BRINP2: variants seen among roughly 807,000 people sequenced by gnomAD.
BRINP2 encodes BMP/retinoic acid inducible neural specific 2, also known as BMP/retinoic acid-inducible neural-specific protein 2.
In BRINP2, 21 loss-of-function variants were observed where a neutral mutation model predicts 69.2. That is an observed-to-expected ratio of 0.30 (90% CI 0.22 to 0.44). The LOEUF is 0.44. Among genes scored for constraint, BRINP2 ranks in the 20% least tolerant of loss-of-function variants. The pLI is 1.00. For synonymous variants in BRINP2, 380 were observed against 394.1 expected, an observed-to-expected ratio of 0.96 and a Z score of 0.42; for missense variants, 877 against 986.0, an observed-to-expected ratio of 0.89 and a Z score of 1.48.
At chr1:177,201,660 G>C (rs2902096) in intron 1 of BRINP2, among the ~76,000 whole-genome samples, 83,581 of 152,046 alleles carry the variant, frequency 0.55, 24,257 homozygotes, top group African/African-American at 0.73. Flanking sequence ...GATCTGGATT[G>C]ATACACCTTG....
intron 1 of BRINP2, among the ~76,000 whole-genome samples, chr1:177,196,769 G>A (rs1488469735): frequency 6.6e-6 from 1 of 152,172 alleles, no homozygotes; most frequent in Admixed American, 6.5e-5. Flanking sequence ...AATCTTTGCA[G>A]TAGGGAAACT....
intron 1 of BRINP2, among the ~76,000 whole-genome samples, chr1:177,208,407 G>A (rs1167045317): frequency 6.6e-6 from 1 of 152,216 alleles, no homozygotes; most frequent in Non-Finnish European, 1.5e-5. Flanking sequence ...TCCAACAAAT[G>A]AGAATAAGTA....
intron 1 of BRINP2, among the ~76,000 whole-genome samples, chr1:177,209,604 C>T (rs981721797): frequency 3.3e-5 from 5 of 152,016 alleles, no homozygotes; most frequent in Admixed American, 1.3e-4. Context: ...TAGACTAAAC[C>T]CCAGCTCCGC....
chr1:177,174,950 A>C (rs987743645), intron 1 of BRINP2, among the ~76,000 whole-genome samples: 1 of 152,180 alleles, frequency 6.6e-6, no homozygotes, highest in Non-Finnish European at 1.5e-5. Flanking sequence ...AGAGCTTATC[A>C]ACATGATATC....
At chr1:177,177,765 G>C (rs1351502686) in intron 1 of BRINP2, among the ~76,000 whole-genome samples, 1 of 152,118 alleles carries the variant, frequency 6.6e-6, no homozygotes, top group Non-Finnish European at 1.5e-5. Flanking sequence ...ATCTCTCAAA[G>C]GGTTATGCTA....
chr1:177,222,399 C>T (rs1649563756), intron 1 of BRINP2, among the ~76,000 whole-genome samples: 1 of 152,138 alleles, frequency 6.6e-6, no homozygotes, highest in Non-Finnish European at 1.5e-5. Context: ...GCAACCTCCA[C>T]CTCTCAGGTT....
chr1:177,237,046 C>T (rs1650049440), intron 2 of BRINP2, among the ~76,000 whole-genome samples: 1 of 152,150 alleles, frequency 6.6e-6, no homozygotes, highest in Admixed American at 6.5e-5. Context: ...TACATTTCTG[C>T]TTTGGAAAAA....
chr1:177,214,644 A>G (rs1649323942), intron 1 of BRINP2, among the ~76,000 whole-genome samples: 2 of 152,338 alleles, frequency 1.3e-5, no homozygotes, highest in Non-Finnish European at 2.9e-5. Flanking sequence ...GGAGTTTTGC[A>G]TCAGTGACCA....
chr1:177,218,321 C>G (rs1412402942), intron 1 of BRINP2, among the ~76,000 whole-genome samples: 1 of 152,084 alleles, frequency 6.6e-6, no homozygotes, highest in Non-Finnish European at 1.5e-5. Flanking sequence ...TCTAGAGACT[C>G]AAGCCATGTA....
chr1:177,203,019 C>T (rs1357041199), intron 1 of BRINP2, among the ~76,000 whole-genome samples: 2 of 152,068 alleles, frequency 1.3e-5, no homozygotes, highest in Admixed American at 6.5e-5. Context: ...TATAAAGACA[C>T]ATGCACACGT....
At chr1:177,217,712 A>G (rs1649419417) in intron 1 of BRINP2, among the ~76,000 whole-genome samples, 1 of 152,156 alleles carries the variant, frequency 6.6e-6, no homozygotes, top group Non-Finnish European at 1.5e-5. Flanking sequence ...TGGATGAGTA[A>G]TGATCCTGGA....
intron 2 of BRINP2, among the ~76,000 whole-genome samples, chr1:177,246,439 T>A (rs1650384562): frequency 6.6e-6 from 1 of 152,242 alleles, no homozygotes. Context: ...ATTAATGATA[T>A]TTTCTCTCCC....
chr1:177,234,171 C>T (rs112756480), intron 2 of BRINP2, among the ~76,000 whole-genome samples: 1 of 152,304 alleles, frequency 6.6e-6, no homozygotes, highest in African/African-American at 2.4e-5. Flanking sequence ...TCCATAGCCC[C>T]CACTGCAATA....
At chr1:177,271,117 C>G (rs910290120) in intron 4 of BRINP2, among the ~76,000 whole-genome samples, 2 of 152,182 alleles carry the variant, frequency 1.3e-5, no homozygotes, top group Non-Finnish European at 2.9e-5. Context: ...TATTCATCTG[C>G]GAGTTCCAAA....
At chr1:177,260,002 G>A (rs1411934445) in intron 4 of BRINP2, among the ~76,000 whole-genome samples, 1 of 152,138 alleles carries the variant, frequency 6.6e-6, no homozygotes, top group African/African-American at 2.4e-5. Flanking sequence ...TAAGGTAAAG[G>A]CTGCCATAGA....
At chr1:177,258,792 A>G (rs1444559348) in intron 4 of BRINP2, among the ~76,000 whole-genome samples, 8 of 152,182 alleles carry the variant, frequency 5.3e-5, no homozygotes, top group Non-Finnish European at 7.3e-5. Context: ...GAGTGTCACA[A>G]ATTGCACCCA....
chr1:177,256,950 G>A, intron 3 of BRINP2: 1 of 1,416,322 alleles, frequency 7.1e-7, no homozygotes, highest in Non-Finnish European at 9.3e-7. Context: ...GCTGAGGGCA[G>A]GGGGACTGAG....
At chr1:177,266,659 G>C (rs892205291) in intron 4 of BRINP2, among the ~76,000 whole-genome samples, 7 of 150,786 alleles carry the variant, frequency 4.6e-5, no homozygotes, top group African/African-American at 7.3e-5. Context: ...ACTCGGGAGG[G>C]TGAGGAAGGA....
chr1:177,254,676 C>T (rs996455352), intron 2 of BRINP2, among the ~76,000 whole-genome samples: 1 of 145,202 alleles, frequency 6.9e-6, no homozygotes, highest in Admixed American at 6.8e-5. Flanking sequence ...ACTTGAGTGT[C>T]TAGCAGGTGT....
Sources: gnomAD v4.1 joint callset for allele counts (sites outside exome capture counted in the v4.1 genomes callset) on GRCh38, gnomAD v4.1.1 for gene constraint, MANE v1.5 for transcripts, NCBI Gene and HGNC (gene_info 2026-07-23, HGNC 2026-07-21) for gene names.